GGA1: variants seen among roughly 807,000 people sequenced by gnomAD.
GGA1 encodes golgi associated, gamma adaptin ear containing, ARF binding protein 1, also known as ADP-ribosylation factor-binding protein GGA1.
In GGA1, 18 loss-of-function variants were observed where a neutral mutation model predicts 76.9. The observed-to-expected ratio is 0.23, with a 90% CI of 0.16 to 0.35. The LOEUF is 0.35. Ranked by LOEUF, GGA1 falls within the 10% of genes least tolerant of loss-of-function variation. GGA1 has a pLI of 1.00. For missense variants in GGA1, 755 were observed against 859.0 expected (o/e 0.88, Z 1.51); for synonymous variants, 342 against 354.7 (o/e 0.96, Z 0.40).
At chr22:37,631,849 C>G in intron 14 of GGA1, 147 bp from the exon 15 acceptor site, 1 of 640,364 alleles carries the variant, frequency 1.6e-6, no homozygotes, top group Admixed American at 2.9e-5. Context: ...GCACTGCCAC[C>G]CAGGGTCCAG....
rs901133751 is a variant in GGA1 at position 37,622,909 on chromosome 22, C to T, written c.610-418C>T. Among the ~76,000 whole-genome samples the T allele has an allele frequency of 1.7e-4, 26 of 152,344 alleles. No individual in the cohort carries two copies. The East Asian group carries it at 4.8e-3, about 28-fold the overall frequency. On this transcript the variant is annotated intron_variant, in intron 7 of 16. Coordinates refer to ENST00000343632, the MANE Select transcript of GGA1 (RefSeq NM_013365.5). Reference sequence around the variant, plus strand: ...CAGACACTGGAAGGGTCTTCCTGCTCGTTTCCAGGCTGTACCTGGTGACCA... The same window carrying T: ...CAGACACTGGAAGGGTCTTCCTGCTTGTTTCCAGGCTGTACCTGGTGACCA...
At position 37,632,299 on chromosome 22, in the gene GGA1, A is replaced by G; in HGVS notation, c.1699-106A>G. On this transcript the variant is annotated intron_variant, in intron 15 of 16. Transcript: ENST00000343632. This position sits in a 1 kb window ranked among gnomAD's most constrained non-coding sequence, Gnocchi z 5.1. ...GGTTGGTGTAGAAGGGACCAGAAGG[A>G]CTGAGCCCCAGGATCCCCGGAGGGG... is the stretch of plus-strand genomic sequence containing the variant. 7.7e-7 allele frequency: 1 copy of G among 1,292,382 alleles called. No individual in the cohort carries two copies. The highest frequency in any genetic ancestry group is 1.3e-5 in the South Asian group (1 of 78,992). 80.1% of individuals were successfully genotyped at this position (1,292,382 alleles called of 1,614,324 possible).
chr22:37,628,806 A>G (rs1931287984), intron 11 of GGA1, among the ~76,000 whole-genome samples: 1 of 152,216 alleles, frequency 6.6e-6, no homozygotes, highest in East Asian at 1.9e-4. Context: ...ATTTGGGGTG[A>G]ACTTGGCTGA....
At chr22:37,617,532 C>T in intron 3 of GGA1, 1 of 989,546 alleles carries the variant, frequency 1.0e-6, no homozygotes, top group Non-Finnish European at 1.2e-6. Flanking sequence ...TACAGTTTCT[C>T]TTTTAATACT....
chr22:37,619,499 C>T (rs978864503), intron 4 of GGA1, among the ~76,000 whole-genome samples: 4 of 152,078 alleles, frequency 2.6e-5, no homozygotes, highest in Non-Finnish European at 5.9e-5. Context: ...CTGCCTCATC[C>T]TCCAGAGTAG....
At chr22:37,618,253 G>T in intron 3 of GGA1, 195 bp from the exon 4 acceptor site, 1 of 563,430 alleles carries the variant, frequency 1.8e-6, no homozygotes, top group Non-Finnish European at 3.2e-6. Context: ...TATGTAGGTC[G>T]CCTGACCCTA....
At chr22:37,619,882 C>T (rs1190861474) in intron 4 of GGA1, 4 of 750,528 alleles carry the variant, frequency 5.3e-6, no homozygotes, top group East Asian at 5.0e-5. Flanking sequence ...CCCAGTTCCA[C>T]CCTCACCCCT....
At chr22:37,612,888 C>G in intron 1 of GGA1, 1 of 982,936 alleles carries the variant, frequency 1.0e-6, no homozygotes, top group African/African-American at 1.7e-5. Flanking sequence ...AAAGGGGTAG[C>G]TGTCTGGTCG....
rs756834619 is a variant in GGA1, at chr22:37,632,617, G to A, written c.1826G>A (p.Arg609His). The A allele has an allele frequency of 9.3e-6, 15 of 1,612,520 alleles. No homozygotes were observed. Among genetic ancestry groups the A allele is most frequent in the Admixed American group, 1.7e-5 (1 of 59,992 alleles). Residue 609 changes from arginine to histidine, a missense_variant, in exon 17 of 17, where the codon CGC (arginine) becomes CAC (histidine). Transcript: ENST00000343632. The surrounding 1 kb of genome is among the most constrained non-coding windows in gnomAD (Gnocchi z 5.1). The stretch of plus-strand genomic sequence containing the variant: ...CTTCCCCAGGAGAAGGTTCGCCTCC[G>A]CTACAAGCTCACCTTCACCATGGGT... ...ANPQKEKVRLRYKLTFTMGDQ... is the reference protein window; with the variant it reads ...ANPQKEKVRLHYKLTFTMGDQ...
Position 37,621,608 on chromosome 22 carries a change from C to T in GGA1, c.529-8C>T. 1.3e-6 allele frequency: 2 copies of T among 1,547,278 alleles called. No homozygotes were observed. Among genetic ancestry groups the T allele is most frequent in the South Asian group, 1.2e-5 (1 of 83,980 alleles). On this transcript the variant is annotated splice_region_variant and splice_polypyrimidine_tract_variant and intron_variant, in intron 6 of 16. Transcript: ENST00000343632. ...TGCCCTCACGGTCACACCCCTCTGTCTCTGCAGATGCTGGCCCGCCTGCTG... is the reference window on the plus strand; with the variant it reads ...TGCCCTCACGGTCACACCCCTCTGTTTCTGCAGATGCTGGCCCGCCTGCTG...
At position 37,632,253 on chromosome 22, in the gene GGA1, G is replaced by A; in HGVS notation, c.1698+88G>A. Reference sequence around the variant, plus strand: ...GTGGGGAGCCACCTGTCAGGGGGCAGGTCTCCCTCCCTTGCTGGGTGGTTG... The same window carrying A: ...GTGGGGAGCCACCTGTCAGGGGGCAAGTCTCCCTCCCTTGCTGGGTGGTTG... On this transcript the variant is annotated intron_variant, in intron 15 of 16. Coordinates refer to ENST00000343632, the MANE Select transcript of GGA1 (RefSeq NM_013365.5). This position sits in a 1 kb window ranked among gnomAD's most constrained non-coding sequence, Gnocchi z 5.1. The A allele has an allele frequency of 1.4e-6, 2 of 1,387,020 alleles. No individual in the cohort carries two copies. Among genetic ancestry groups the A allele is most frequent in the Non-Finnish European group, 2.0e-6 (2 of 990,664 alleles). 85.9% of individuals were successfully genotyped at this position (1,387,020 alleles called of 1,614,324 possible).
At chr22:37,617,680 C>A in intron 3 of GGA1, 1 of 624,372 alleles carries the variant, frequency 1.6e-6, no homozygotes, top group Non-Finnish European at 2.0e-6. Context: ...GACTGGACAA[C>A]AGAGTGAGAC....
rs779434609 is a variant in GGA1, at chr22:37,630,027, T to C, written c.1188T>C (p.Pro396=). The change falls in exon 13 of 17, where the codon CCT becomes CCC. Residue 396 remains proline (P), a synonymous_variant. Transcript: ENST00000343632. ...CGGATGCCACTGAGCCCCCAGCCCC[T>C]GCTCTGGCCCAGGCCCCCAGTATGG... ...QSSDATEPPA[P]ALAQAPSMES... 18 of 1,584,036 alleles carry C rather than the reference T, an allele frequency of 1.1e-5. No homozygotes were observed.
intron 1 of GGA1, chr22:37,612,924 G>A: frequency 1.0e-6 from 1 of 985,244 alleles, no homozygotes; most frequent in East Asian, 1.1e-4. Context: ...ATGTAGACCT[G>A]TTGGCCCTCT....
At chr22:37,615,764 AAAAT>A (rs960338263) in intron 2 of GGA1, among the ~76,000 whole-genome samples, 31 of 152,298 alleles carry the variant, frequency 2.0e-4, no homozygotes, top group Middle Eastern at 3.4e-3. Flanking sequence ...CCATCTCAAA[AAAAT>A]AAATAAAGTA....
rs777327586 is a variant in GGA1 at position 37,632,480 on chromosome 22, A to G, written c.1774A>G (p.Ile592Val). The change falls in exon 16 of 17, where the codon ATC becomes GTC. Residue 592 changes from isoleucine to valine, a missense_variant. Coordinates refer to ENST00000343632, the MANE Select transcript of GGA1 (RefSeq NM_013365.5). The surrounding 1 kb of genome is among the most constrained non-coding windows in gnomAD (Gnocchi z 5.1). ...TAACCCCATCGTCCACCCCTCAGCA[A>G]TCACCCAGGTCCTGCTGCTTGCCAA... is the stretch of plus-strand genomic sequence containing the variant. ...AFNPIVHPSA[I>V]TQVLLLANPQ... 1.2e-6 allele frequency: 2 copies of G among 1,613,790 alleles called. No homozygotes were observed. Among genetic ancestry groups the G allele is most frequent in the Non-Finnish European group, 1.7e-6 (2 of 1,179,742 alleles).
chr22:37,615,948 C>G (rs1238955574), intron 2 of GGA1, among the ~76,000 whole-genome samples: 1 of 151,580 alleles, frequency 6.6e-6, no homozygotes, highest in Non-Finnish European at 1.5e-5. Flanking sequence ...TCACGCGGTT[C>G]TCCTGCCTCA....
Position 37,623,602 on chromosome 22 carries a change from G to A in GGA1, c.801G>A (p.Ala267=), listed in dbSNP as rs781727175. ...ERMRPTLFRL[A]SDTEDNDEAL... is the part of the protein sequence containing the mutation. The stretch of plus-strand genomic sequence containing the variant: ...TGCGGCCCACGCTCTTCCGACTGGC[G>A]AGTGACACAGAGGACAATGATGAGG... The change falls in exon 9 of 17, where the codon GCG becomes GCA. Residue 267 remains alanine (A), a synonymous_variant. Transcript: ENST00000343632. This position sits in a 1 kb window ranked among gnomAD's most constrained non-coding sequence, Gnocchi z 4.6. 3.5e-5 allele frequency: 56 copies of A among 1,595,998 alleles called. No individual in the cohort carries two copies. The South Asian group carries it at 4.7e-4, about 13-fold the overall frequency.
At chr22:37,626,742 C>G (rs11912369) in intron 11 of GGA1, 5,507 of 152,376 alleles carry the variant, frequency 0.036, 323 homozygotes, top group African/African-American at 0.12. Flanking sequence ...GCGCCCTGGG[C>G]GGGGTCTGCC....
Sources: allele counts gnomAD v4.1 joint callset (sites outside exome capture counted in the v4.1 genomes callset), GRCh38; gene constraint gnomAD v4.1.1; non-coding constraint Gnocchi (gnomAD v3.1); transcripts MANE v1.5; gene names NCBI Gene and HGNC (gene_info 2026-07-23, HGNC 2026-07-21).